ABCA13: variants seen among roughly 807,000 people sequenced by gnomAD.
ABCA13 encodes the protein ATP-binding cassette sub-family A member 13.
A neutral mutation model predicts 478.7 loss-of-function variants in ABCA13; 476 were observed. That is an observed-to-expected ratio of 0.99 (90% CI 0.92 to 1.07). The LOEUF is 1.07. Among genes scored for constraint, ABCA13 ranks in the 50% least tolerant of loss-of-function variants. ABCA13 has a pLI of 0.00. For synonymous variants in ABCA13, 2,252 were observed against 2,158.9 expected, an observed-to-expected ratio of 1.04 and a Z score of -1.20; for missense variants, 6,060 against 5,910.6, an observed-to-expected ratio of 1.03 and a Z score of -0.83.
chr7:48,536,084 G>A (rs773035119), intron 55 of ABCA13, among the ~76,000 whole-genome samples: 2 of 152,162 alleles, frequency 1.3e-5, no homozygotes, highest in Non-Finnish European at 2.9e-5. Context: ...AAAAGTTCAC[G>A]ATATGAGTCT....
chr7:48,421,869 T>G (rs1563228877), intron 41 of ABCA13, among the ~76,000 whole-genome samples: 1 of 152,064 alleles, frequency 6.6e-6, no homozygotes, highest in Non-Finnish European at 1.5e-5. Flanking sequence ...CGCCCTTCAC[T>G]GATAATGAGA....
Position 48,644,753 on chromosome 7 carries a change from A to G in ABCA13, c.15080A>G (p.Gln5027Arg). Residue 5027 changes from glutamine to arginine, a missense_variant and splice_region_variant, in exon 61 of 62, where the codon CAG (glutamine) becomes CGG (arginine). By Grantham distance (43) the Gln-to-Arg change is conservative. This residue lies in a region of ABCA13 where 1,627 missense variants were observed against 1,571.0 expected (regional missense o/e 1.04). Transcript: ENST00000435803. Reference protein sequence around the residue: ...HYSINQTTLEQVFINFASEQQ... With the variant: ...HYSINQTTLERVFINFASEQQ... ...TCCATTAACCAAACCACTTTGGAGC[A>G]GGTATAGTATCTTGAATGATTCAGG... The G allele has an allele frequency of 6.3e-7, 1 of 1,598,568 alleles. No individual in the cohort carries two copies. Among genetic ancestry groups the G allele is most frequent in the Non-Finnish European group, 8.5e-7 (1 of 1,175,102 alleles).
At chr7:48,470,058 AG>A (rs2130268718) in intron 44 of ABCA13, among the ~76,000 whole-genome samples, 1 of 152,332 alleles carries the variant, frequency 6.6e-6, no homozygotes, top group African/African-American at 2.4e-5. Flanking sequence ...TGTGTCCTGT[AG>A]GCCACTTTAG....
chr7:48,290,940 G>GAAAAAAAAAAAA (rs57470116), intron 20 of ABCA13, among the ~76,000 whole-genome samples: 2 of 48,790 alleles, frequency 4.1e-5, no homozygotes, highest in African/African-American at 5.5e-5. Context: ...CACACTCAGG[G>GAAAAAAAAAAAA]AAAAAAAAAA....
In ABCA13 at chr7:48,300,647, A is replaced by C. The variant is rs576148713; in HGVS notation, c.9321+2160A>C. Among the ~76,000 whole-genome samples, 20 of 152,344 alleles carry C rather than the reference A, an allele frequency of 1.3e-4. No homozygotes were observed. The South Asian group carries it at 3.3e-3, about 25-fold the overall frequency. ...GGAGTGAGCAGAAGGAGGCAAATGC[A>C]GCAGATGCATGGATACCATCTCATT... On this transcript the variant is annotated intron_variant, in intron 23 of 61. Coordinates refer to ENST00000435803, the MANE Select transcript of ABCA13 (RefSeq NM_152701.5).
In ABCA13 at chr7:48,374,484, G is replaced by C. The variant is rs571274292; in HGVS notation, c.11203+68G>C. The C allele has an allele frequency of 1.3e-4, 182 of 1,373,412 alleles. No homozygotes were observed. In the African/African-American group the frequency reaches 2.5e-3, roughly 19 times the overall value. 85.1% of individuals were successfully genotyped at this position (1,373,412 alleles called of 1,614,324 possible). A position where few individuals can be genotyped will look rare whatever the true frequency, so the allele number is the denominator to read the frequency against. On this transcript the variant is annotated intron_variant, in intron 34 of 61. Coordinates refer to ENST00000435803, the MANE Select transcript of ABCA13 (RefSeq NM_152701.5). ...GTTTTTGGAAATTAATAGTTATATTGCAAGTGATCCAGTAGGAAGTCTTCA... is the reference window on the plus strand; with the variant it reads ...GTTTTTGGAAATTAATAGTTATATTCCAAGTGATCCAGTAGGAAGTCTTCA...
chr7:48,376,327 G>A (rs1035195480), intron 34 of ABCA13, 114 bp from the exon 35 acceptor site: 2 of 1,316,330 alleles, frequency 1.5e-6, no homozygotes, highest in Non-Finnish European at 1.0e-6. Flanking sequence ...CCTTCTTTTT[G>A]TTTTAGTTCT....
chr7:48,257,857 T>C (rs149310880), intron 15 of ABCA13, among the ~76,000 whole-genome samples: 2 of 152,310 alleles, frequency 1.3e-5, no homozygotes, highest in Non-Finnish European at 2.9e-5. Context: ...CTGCAATTTT[T>C]TGGATTAGTT....
At position 48,319,055 on chromosome 7, in the gene ABCA13, T is replaced by TG. The variant is rs965948837; in HGVS notation, c.9999+1765dup. 1.1e-3 allele frequency among the ~76,000 whole-genome samples: 168 copies of TG among 152,152 alleles called. 1 individual carries two copies. The highest frequency in any genetic ancestry group is 3.9e-3 in the African/African-American group (160 of 41,512). On this transcript the variant is annotated intron_variant, in intron 27 of 61. Transcript: ENST00000435803. ...TTCAGTGCAGCAGAGGCACAGGCTG[T>TG]GGGGGGCAGCTGGTCTCCCTGGAAA...
chr7:48,455,688 C>A (rs1825589483), intron 43 of ABCA13, among the ~76,000 whole-genome samples: 1 of 152,234 alleles, frequency 6.6e-6, no homozygotes, highest in South Asian at 2.1e-4. Context: ...CAAAGCCCTC[C>A]ACAGTTGTTT....
At chr7:48,205,893 A>G (rs1784861532) in intron 3 of ABCA13, among the ~76,000 whole-genome samples, 1 of 152,158 alleles carries the variant, frequency 6.6e-6, no homozygotes, top group African/African-American at 2.4e-5. Flanking sequence ...ATTGATCTAT[A>G]CAATAACATT....
intron 20 of ABCA13, among the ~76,000 whole-genome samples, chr7:48,291,251 A>G (rs1425482412): frequency 2.0e-5 from 3 of 152,164 alleles, no homozygotes; most frequent in Admixed American, 6.5e-5. Context: ...ACCTAAGTGA[A>G]GAAAGGAAAG....
At chr7:48,203,052 G>A (rs1799038511) in intron 3 of ABCA13, among the ~76,000 whole-genome samples, 1 of 152,232 alleles carries the variant, frequency 6.6e-6, no homozygotes, top group African/African-American at 2.4e-5. Context: ...CCCGAGGCCT[G>A]CCCCACGGGA....
intron 15 of ABCA13, among the ~76,000 whole-genome samples, 186 bp from the exon 16 acceptor site, chr7:48,268,794 G>A (rs111858582): frequency 0.014 from 2,143 of 150,072 alleles, 21 homozygotes; most frequent in Middle Eastern, 0.057. Flanking sequence ...GATGGCCAGT[G>A]ACTGGTACCT....
chr7:48,613,196 T>C (rs1163248674), intron 58 of ABCA13, among the ~76,000 whole-genome samples: 1 of 147,548 alleles, frequency 6.8e-6, no homozygotes, highest in Non-Finnish European at 1.5e-5. Flanking sequence ...TTTTTCTTTC[T>C]TTTTTTTTTG....
At chr7:48,399,605 G>T (rs934617331) in intron 38 of ABCA13, among the ~76,000 whole-genome samples, 1 of 152,226 alleles carries the variant, frequency 6.6e-6, no homozygotes, top group African/African-American at 2.4e-5. Flanking sequence ...GAGTAAATGG[G>T]ATTGGTGGAG....
At chr7:48,320,566 G>A (rs1803300314) in intron 27 of ABCA13, among the ~76,000 whole-genome samples, 1 of 152,214 alleles carries the variant, frequency 6.6e-6, no homozygotes, top group Admixed American at 6.5e-5. Flanking sequence ...TTATAGGTCA[G>A]AGTCGTGTTC....
intron 45 of ABCA13, among the ~76,000 whole-genome samples, chr7:48,476,819 A>G (rs2362309): frequency 0.61 from 93,340 of 151,998 alleles, 29,631 homozygotes; most frequent in African/African-American, 0.79. Flanking sequence ...GTAAATAAAT[A>G]TGCATAAGGC....
chr7:48,328,443 G>C (rs1264425491), intron 27 of ABCA13, among the ~76,000 whole-genome samples: 1 of 152,166 alleles, frequency 6.6e-6, no homozygotes, highest in Non-Finnish European at 1.5e-5. Context: ...CAGAGTAGAA[G>C]TAATTACATT....
Sources: allele counts gnomAD v4.1 joint callset (sites outside exome capture counted in the v4.1 genomes callset), GRCh38; gene constraint gnomAD v4.1.1; regional missense constraint gnomAD v4.1.1; transcripts MANE v1.5; gene names NCBI Gene and HGNC (gene_info 2026-07-23, HGNC 2026-07-21).